Variants in CSMD1 observed in about 807,000 individuals in gnomAD.
CSMD1 encodes CUB and Sushi multiple domains 1, also known as CUB and sushi domain-containing protein 1.
A neutral mutation model predicts 417.5 loss-of-function variants in CSMD1; 213 were observed. The ratio of observed to expected loss-of-function variants is 0.51; its 90% CI spans 0.46 to 0.57. The LOEUF is 0.57. Among genes scored for constraint, CSMD1 ranks in the 20% least tolerant of loss-of-function variants. The pLI is 0.00. For synonymous variants in CSMD1, 2,862 were observed against 1,736.8 expected (o/e 1.65, Z -16.11); for missense variants, 6,923 against 4,529.7 (o/e 1.53, Z -15.17).
chr8:4,210,785 A>C (rs1383086866), intron 3 of CSMD1, among the ~76,000 whole-genome samples: 1 of 152,210 alleles, frequency 6.6e-6, no homozygotes, highest in East Asian at 1.9e-4. Context: ...ATGAGTAAAT[A>C]CGAGCATATC....
chr8:3,014,424 G>A (rs1222164555), intron 52 of CSMD1, among the ~76,000 whole-genome samples: 1 of 151,996 alleles, frequency 6.6e-6, no homozygotes, highest in Non-Finnish European at 1.5e-5. Context: ...TTTTCCTGTT[G>A]TGAGAACAAT....
chr8:4,869,175 C>T (rs986607180), intron 1 of CSMD1, among the ~76,000 whole-genome samples: 1 of 151,742 alleles, frequency 6.6e-6, no homozygotes, highest in Non-Finnish European at 1.5e-5. Flanking sequence ...ATAAATATGG[C>T]AATAATAATT....
At chr8:3,944,867 T>C (rs1020821384) in intron 5 of CSMD1, among the ~76,000 whole-genome samples, 2 of 152,182 alleles carry the variant, frequency 1.3e-5, no homozygotes, top group African/African-American at 4.8e-5. Flanking sequence ...GCTCTGACAG[T>C]TGATTCTGGG....
At chr8:3,662,617 C>A (rs1216529318) in intron 7 of CSMD1, among the ~76,000 whole-genome samples, 2 of 152,202 alleles carry the variant, frequency 1.3e-5, no homozygotes, top group Admixed American at 6.5e-5. Flanking sequence ...AATCTCCACA[C>A]TGTCTTCCAG....
At chr8:4,767,177 T>C (rs1232960139) in intron 1 of CSMD1, among the ~76,000 whole-genome samples, 1 of 152,200 alleles carries the variant, frequency 6.6e-6, no homozygotes, top group African/African-American at 2.4e-5. Context: ...TAATGAACAC[T>C]GAAAAGCCCT....
chr8:3,065,009 C>A (rs1353765328), intron 49 of CSMD1, among the ~76,000 whole-genome samples: 1 of 152,074 alleles, frequency 6.6e-6, no homozygotes, highest in Non-Finnish European at 1.5e-5. Flanking sequence ...GGAGTTTGCC[C>A]ATGCTTCCTT....
At chr8:4,676,751 T>G (rs1477784803) in intron 1 of CSMD1, among the ~76,000 whole-genome samples, 2 of 151,974 alleles carry the variant, frequency 1.3e-5, no homozygotes, top group Admixed American at 1.3e-4. Flanking sequence ...TGCCCTTAGT[T>G]TGTTCTTAGC....
At chr8:3,955,098 G>A (rs557461696) in intron 5 of CSMD1, among the ~76,000 whole-genome samples, 3 of 152,126 alleles carry the variant, frequency 2.0e-5, no homozygotes, top group Non-Finnish European at 4.4e-5. Context: ...AGTGGGTGCG[G>A]GAAAGCCGTC....
At chr8:3,779,804 T>C (rs780903702) in intron 5 of CSMD1, among the ~76,000 whole-genome samples, 8 of 152,180 alleles carry the variant, frequency 5.3e-5, no homozygotes, top group East Asian at 1.9e-4. Flanking sequence ...TCCAGAAATA[T>C]TGAGCTGAGA....
chr8:4,747,657 T>C (rs1432703990), intron 1 of CSMD1, among the ~76,000 whole-genome samples: 3 of 152,194 alleles, frequency 2.0e-5, no homozygotes, highest in Non-Finnish European at 4.4e-5. Flanking sequence ...TATACTCAGT[T>C]GTTGATTTTG....
At chr8:3,800,250 A>G (rs1399106247) in intron 5 of CSMD1, among the ~76,000 whole-genome samples, 10 of 152,154 alleles carry the variant, frequency 6.6e-5, no homozygotes, top group Non-Finnish European at 1.5e-4. Context: ...CTTTATTGGA[A>G]TAACATTATA....
At chr8:3,682,889 G>C (rs948931693) in intron 7 of CSMD1, among the ~76,000 whole-genome samples, 12 of 152,176 alleles carry the variant, frequency 7.9e-5, no homozygotes, top group Admixed American at 5.2e-4. Context: ...CATGTCATTT[G>C]TAGAAACATG....
At position 3,415,805 on chromosome 8, in the gene CSMD1, A is replaced by G. The variant is rs570052040; in HGVS notation, c.1562-6200T>C. 2.0e-5 allele frequency among the ~76,000 whole-genome samples: 3 copies of G among 152,372 alleles called. No individual in the cohort carries two copies. The East Asian group carries it at 5.8e-4, about 29-fold the overall frequency. ...TGGAAAAATGGAAAAGTATACAAGT[A>G]ATAAATGGAAGACAAAACTTCTTTA... On this transcript the variant is annotated intron_variant, in intron 12 of 69. Coordinates refer to ENST00000635120, the MANE Select transcript of CSMD1 (RefSeq NM_033225.6).
chr8:4,625,144 G>A (rs182847994), intron 2 of CSMD1, among the ~76,000 whole-genome samples: 4 of 152,146 alleles, frequency 2.6e-5, no homozygotes, highest in Admixed American at 6.6e-5. Flanking sequence ...CCATACCAGG[G>A]AAAATACGAG....
intron 8 of CSMD1, among the ~76,000 whole-genome samples, chr8:3,610,682 T>C (rs1035078007): frequency 4.6e-5 from 7 of 152,312 alleles, no homozygotes; most frequent in Admixed American, 3.3e-4. Context: ...AATATCTTAC[T>C]ATAATGTTTC....
chr8:4,496,887 C>A (rs929129790), intron 2 of CSMD1, among the ~76,000 whole-genome samples: 1 of 152,112 alleles, frequency 6.6e-6, no homozygotes, highest in Admixed American at 6.5e-5. Flanking sequence ...CCCAGGCTTT[C>A]CAGACCATTT....
At chr8:4,936,500 A>G (rs994775038) in intron 1 of CSMD1, among the ~76,000 whole-genome samples, 6 of 152,318 alleles carry the variant, frequency 3.9e-5, no homozygotes, top group Non-Finnish European at 8.8e-5. Context: ...ACCTTTTCCA[A>G]TTACACTTCT....
intron 12 of CSMD1, among the ~76,000 whole-genome samples, chr8:3,434,678 C>G (rs576129983): frequency 6.6e-6 from 1 of 152,266 alleles, no homozygotes; most frequent in African/African-American, 2.4e-5. Context: ...TTCTCCATAT[C>G]CCCCTCATTC....
rs1563561102 is a variant in CSMD1 at position 4,841,924 on chromosome 8, A to AC, written c.85+152407_85+152408insG. ...AAAACTCCGTCTCAAAAAAAAAAAA[A>AC]AAAAAAAAAAAAAAGTTCAGAACAA... On this transcript the variant is annotated intron_variant, in intron 1 of 69. Coordinates refer to ENST00000635120, the MANE Select transcript of CSMD1 (RefSeq NM_033225.6). 3.5e-5 allele frequency among the ~76,000 whole-genome samples: 5 copies of AC among 143,420 alleles called. No homozygotes were observed. The South Asian group carries it at 9.1e-4, about 26-fold the overall frequency. The allele number at this position is 143,420 out of a possible 152,430, so 94.1% of individuals were successfully genotyped here. A position where few individuals can be genotyped will look rare whatever the true frequency, so the allele number is the denominator to read the frequency against.
Sources: gnomAD v4.1 joint callset for allele counts (sites outside exome capture counted in the v4.1 genomes callset) on GRCh38, gnomAD v4.1.1 for gene constraint, MANE v1.5 for transcripts, NCBI Gene and HGNC (gene_info 2026-07-23, HGNC 2026-07-21) for gene names.